OPCML: variants seen among roughly 807,000 people sequenced by gnomAD.
OPCML encodes the protein opioid-binding protein/cell adhesion molecule.
OPCML carries 13 observed loss-of-function variants against 37.8 expected under a neutral mutation model. That is an observed-to-expected ratio of 0.34 (90% CI 0.22 to 0.55). The LOEUF is 0.55. OPCML is among the 20% of genes least tolerant of loss of function. The pLI is 0.91. For missense variants in OPCML, 341 were observed against 435.6 expected (o/e 0.78, Z 1.93); for synonymous variants, 176 against 168.8 (o/e 1.04, Z -0.33).
At chr11:133,401,163 C>T (rs879034767) in intron 1 of OPCML, among the ~76,000 whole-genome samples, 3 of 152,144 alleles carry the variant, frequency 2.0e-5, no homozygotes, top group Admixed American at 2.0e-4. Context: ...CAATCACACT[C>T]TGCTCTTTGT....
intron 2 of OPCML, among the ~76,000 whole-genome samples, chr11:132,779,369 G>A (rs1158739961): frequency 6.6e-6 from 1 of 152,140 alleles, no homozygotes; most frequent in Non-Finnish European, 1.5e-5. Flanking sequence ...TAAGGGAATG[G>A]CATTGGTTTT....
At chr11:133,330,021 A>G (rs1943579575) in intron 1 of OPCML, among the ~76,000 whole-genome samples, 1 of 152,202 alleles carries the variant, frequency 6.6e-6, no homozygotes, top group Non-Finnish European at 1.5e-5. Flanking sequence ...AAAAGTGGGC[A>G]AAGGATATGA....
intron 2 of OPCML, among the ~76,000 whole-genome samples, chr11:132,834,988 T>TAAAA (rs11300115): frequency 7.0e-6 from 1 of 142,968 alleles, no homozygotes; most frequent in Non-Finnish European, 1.5e-5. Flanking sequence ...TGGCACTTTG[T>TAAAA]AAAAAAAAAA....
At position 133,138,715 on chromosome 11, in the gene OPCML, T is replaced by A. The variant is rs1949727668; in HGVS notation, c.62-195705A>T. Reference sequence around the variant, plus strand: ...CATCTCCCACCCCACTCCTGGTAGATGCTGTAGATTTTACTGGTTCCAAAG... The same window carrying A: ...CATCTCCCACCCCACTCCTGGTAGAAGCTGTAGATTTTACTGGTTCCAAAG... On this transcript the variant is annotated intron_variant, in intron 1 of 7. Coordinates refer to ENST00000524381, the MANE Select transcript of OPCML (RefSeq NM_001012393.5). Among the ~76,000 whole-genome samples the A allele has an allele frequency of 1.3e-5, 2 of 152,156 alleles. 1 individual carries two copies. The highest frequency in any genetic ancestry group is 4.1e-4 in the South Asian group (2 of 4,822).
intron 1 of OPCML, among the ~76,000 whole-genome samples, chr11:133,215,623 G>A (rs1218154370): frequency 6.6e-6 from 1 of 152,132 alleles, no homozygotes; most frequent in Non-Finnish European, 1.5e-5. Flanking sequence ...AATTCCTCTG[G>A]AGGGATGCTC....
intron 4 of OPCML, among the ~76,000 whole-genome samples, chr11:132,447,469 T>A (rs2136821306): frequency 6.6e-6 from 1 of 152,092 alleles, no homozygotes; most frequent in Non-Finnish European, 1.5e-5. Flanking sequence ...AGTTAATTTT[T>A]TTTTTTTTTT....
intron 1 of OPCML, among the ~76,000 whole-genome samples, chr11:133,307,895 T>G (rs1282353887): frequency 6.6e-6 from 1 of 152,146 alleles, no homozygotes; most frequent in East Asian, 1.9e-4. Flanking sequence ...ATCACTGACT[T>G]ACTACTCTCA....
intron 2 of OPCML, chr11:132,860,166 C>A (rs1000931702): frequency 8.5e-5 from 13 of 152,174 alleles, no homozygotes; most frequent in African/African-American, 2.7e-4. Flanking sequence ...GTAAATATTT[C>A]TAAAAAGCTG....
At chr11:132,755,982 A>G (rs1486286646) in intron 2 of OPCML, among the ~76,000 whole-genome samples, 1 of 152,174 alleles carries the variant, frequency 6.6e-6, no homozygotes, top group Admixed American at 6.5e-5. Context: ...AAAATGCAGG[A>G]AACACCATGT....
chr11:132,744,999 A>G (rs1273906165), intron 2 of OPCML, among the ~76,000 whole-genome samples: 2 of 152,216 alleles, frequency 1.3e-5, no homozygotes. Context: ...CAGGCAGCTC[A>G]TCCAGGAACC....
chr11:133,063,350 G>A (rs1480272341), intron 1 of OPCML, among the ~76,000 whole-genome samples: 1 of 152,110 alleles, frequency 6.6e-6, no homozygotes, highest in Admixed American at 6.6e-5. Context: ...AGCCTCCCAT[G>A]GGGTCAGAAA....
intron 1 of OPCML, among the ~76,000 whole-genome samples, chr11:133,385,034 G>A (rs899701398): frequency 1.3e-5 from 2 of 152,232 alleles, no homozygotes; most frequent in Admixed American, 6.5e-5. Context: ...CCTTGTGGCT[G>A]TGGGCAGGAC....
intron 1 of OPCML, among the ~76,000 whole-genome samples, chr11:133,152,654 G>T (rs947475982): frequency 6.6e-6 from 1 of 151,986 alleles, no homozygotes; most frequent in East Asian, 1.9e-4. Flanking sequence ...GAGTGTTCAC[G>T]TGCTAATGCA....
intron 3 of OPCML, among the ~76,000 whole-genome samples, chr11:132,648,458 G>A (rs549332905): frequency 4.4e-4 from 67 of 151,332 alleles, no homozygotes; most frequent in Non-Finnish European, 8.7e-4. Context: ...CGACTGTTCC[G>A]TTTATTTAAT....
At chr11:133,255,105 C>T (rs1198885138) in intron 1 of OPCML, among the ~76,000 whole-genome samples, 1 of 152,124 alleles carries the variant, frequency 6.6e-6, no homozygotes, top group Non-Finnish European at 1.5e-5. Flanking sequence ...GTTGCTGTGC[C>T]ATCCGTACAC....
chr11:132,605,925 C>T (rs925107729), intron 3 of OPCML, among the ~76,000 whole-genome samples: 2 of 152,214 alleles, frequency 1.3e-5, no homozygotes. Context: ...CCAGCAGCTT[C>T]CTTTCAGCTC....
intron 3 of OPCML, among the ~76,000 whole-genome samples, chr11:132,646,188 A>T (rs1401327611): frequency 6.6e-6 from 1 of 152,222 alleles, no homozygotes; most frequent in Non-Finnish European, 1.5e-5. Flanking sequence ...CAAATTACTC[A>T]TGTAACCAAA....
intron 2 of OPCML, among the ~76,000 whole-genome samples, chr11:132,685,459 G>A (rs890601140): frequency 7.9e-5 from 12 of 152,096 alleles, no homozygotes; most frequent in East Asian, 1.9e-4. Flanking sequence ...ACCGGGTCAC[G>A]ACATCCCAGT....
At chr11:133,028,997 G>A (rs1591927970) in intron 1 of OPCML, among the ~76,000 whole-genome samples, 2 of 150,894 alleles carry the variant, frequency 1.3e-5, no homozygotes, top group South Asian at 4.2e-4. Context: ...GAATCTACAA[G>A]GAGTTCGAAC....
Sources: gnomAD v4.1 joint callset for allele counts (sites outside exome capture counted in the v4.1 genomes callset) on GRCh38, gnomAD v4.1.1 for gene constraint, MANE v1.5 for transcripts, NCBI Gene and HGNC (gene_info 2026-07-23, HGNC 2026-07-21) for gene names.